PATJ: variants seen among roughly 807,000 people sequenced by gnomAD.
PATJ encodes PATJ crumbs cell polarity complex component.
In PATJ, 190 loss-of-function variants were observed where a neutral mutation model predicts 224.9. The observed-to-expected ratio is 0.84, with a 90% CI of 0.75 to 0.95. PATJ has a LOEUF of 0.95. PATJ is among the 40% of genes least tolerant of loss of function. PATJ has a pLI of 0.00. For missense variants in PATJ, 2,121 were observed against 2,270.3 expected (o/e 0.93, Z 1.34); for synonymous variants, 769 against 820.3 (o/e 0.94, Z 1.07).
intron 31 of PATJ, among the ~76,000 whole-genome samples, chr1:62,052,496 C>A (rs985441276): frequency 6.0e-5 from 9 of 150,600 alleles, no homozygotes; most frequent in Non-Finnish European, 1.3e-4. Context: ...AATCCCAGCA[C>A]TTTGGGAGGC....
At chr1:62,118,052 G>A (rs1034508540) in intron 37 of PATJ, among the ~76,000 whole-genome samples, 1 of 152,128 alleles carries the variant, frequency 6.6e-6, no homozygotes, top group Admixed American at 6.5e-5. Flanking sequence ...AAAGCTATTA[G>A]CTGCCTCCTG....
At chr1:62,093,695 C>A (rs1661050747) in intron 33 of PATJ, among the ~76,000 whole-genome samples, 1 of 152,014 alleles carries the variant, frequency 6.6e-6, no homozygotes, top group Non-Finnish European at 1.5e-5. Flanking sequence ...TGAATATAAG[C>A]AAAAATATTA....
chr1:61,812,872 C>T (rs1655153980), intron 14 of PATJ, among the ~76,000 whole-genome samples: 1 of 151,874 alleles, frequency 6.6e-6, no homozygotes, highest in Non-Finnish European at 1.5e-5. Flanking sequence ...AAGACACAGC[C>T]TCCCGGGTAA....
intron 26 of PATJ, among the ~76,000 whole-genome samples, chr1:61,914,908 T>C (rs776974324): frequency 1.3e-4 from 20 of 152,206 alleles, no homozygotes; most frequent in Non-Finnish European, 2.5e-4. Context: ...TATAGATTTC[T>C]TTCCTGTTCA....
chr1:61,752,311 C>CTTTTTTTTTTT (rs370759266), intron 1 of PATJ, among the ~76,000 whole-genome samples: 3 of 124,016 alleles, frequency 2.4e-5, no homozygotes, highest in African/African-American at 6.2e-5. Flanking sequence ...TCATTTCTTT[C>CTTTTTTTTTTT]TTTTTTTTTT....
At chr1:62,148,512 T>C in intron 42 of PATJ, 122 bp downstream of exon 42, 1 of 691,744 alleles carries the variant, frequency 1.4e-6, no homozygotes, top group Non-Finnish European at 2.6e-6. Context: ...TTTTCTAAAT[T>C]CTAGGGAATC....
chr1:62,135,748 CTG>C (rs1666794830), intron 41 of PATJ, among the ~76,000 whole-genome samples: 1 of 152,116 alleles, frequency 6.6e-6, no homozygotes, highest in South Asian at 2.1e-4. Context: ...AAAGGTTGCT[CTG>C]AGGATTAGAT....
chr1:61,982,741 C>T (rs930637117), intron 27 of PATJ, among the ~76,000 whole-genome samples: 2 of 151,792 alleles, frequency 1.3e-5, no homozygotes, highest in African/African-American at 4.9e-5. Context: ...TATTTAGTTG[C>T]CAAAAGCTAG....
chr1:62,149,399 T>G (rs1668396890), intron 42 of PATJ, among the ~76,000 whole-genome samples: 1 of 152,180 alleles, frequency 6.6e-6, no homozygotes, highest in Non-Finnish European at 1.5e-5. Flanking sequence ...ATGGTTCATT[T>G]GAAGGATCTC....
intron 21 of PATJ, among the ~76,000 whole-genome samples, chr1:61,879,646 TC>T (rs1667814194): frequency 6.6e-6 from 1 of 151,678 alleles, no homozygotes; most frequent in Admixed American, 6.6e-5. Context: ...TACTTCTGGG[TC>T]CCATTCTTTT....
chr1:61,916,172 A>G (rs1673433312), intron 26 of PATJ, among the ~76,000 whole-genome samples: 1 of 152,170 alleles, frequency 6.6e-6, no homozygotes, highest in Non-Finnish European at 1.5e-5. Flanking sequence ...ACATACAATA[A>G]TCTAGTGGAG....
chr1:62,082,419 A>G (rs1314038119), intron 32 of PATJ, among the ~76,000 whole-genome samples: 1 of 152,184 alleles, frequency 6.6e-6, no homozygotes, highest in Non-Finnish European at 1.5e-5. Context: ...CCCTCCTGTT[A>G]AATTCCTGCT....
intron 7 of PATJ, among the ~76,000 whole-genome samples, chr1:61,787,507 A>T (rs1403358868): frequency 6.6e-6 from 1 of 152,132 alleles, no homozygotes; most frequent in Non-Finnish European, 1.5e-5. Context: ...ATGAGCTTAT[A>T]CCCTCAACAA....
chr1:61,841,683 A>G (rs1661120415), intron 17 of PATJ, among the ~76,000 whole-genome samples: 1 of 150,930 alleles, frequency 6.6e-6, no homozygotes, highest in Admixed American at 6.6e-5. Context: ...ATCTGCTACT[A>G]ATGGCAGTAT....
Position 61,788,086 on chromosome 1 carries a change from A to G in PATJ, c.1068+114A>G, listed in dbSNP as rs1648963312. 1.2e-5 allele frequency: 8 copies of G among 680,744 alleles called. No individual in the cohort carries two copies. In the South Asian group the frequency reaches 1.7e-4, roughly 15 times the overall value. The allele number at this position is 680,744 out of a possible 1,614,324, so 42.2% of individuals were successfully genotyped here. On this transcript the variant is annotated intron_variant, in intron 8 of 43. Coordinates refer to ENST00000642238, the MANE Select transcript of PATJ (RefSeq NM_001350145.3). ...CATTGGTGTGAGTTGTGCGCTCACT[A>G]GTGAAACAGGAAAAAAAAAACTTAT... is the stretch of plus-strand genomic sequence containing the variant.
chr1:62,123,111 C>T, intron 39 of PATJ, 53 bp downstream of exon 39: 2 of 1,264,968 alleles, frequency 1.6e-6, no homozygotes, highest in South Asian at 2.6e-5. Context: ...TGGATTTGCA[C>T]TAAATGTACA....
At position 62,119,468 on chromosome 1, in the gene PATJ, T is replaced by C. The variant is rs555262452; in HGVS notation, c.4891-1713T>C. On this transcript the variant is annotated intron_variant, in intron 37 of 43. Transcript: ENST00000642238. ...GAGAATAAGCTCTTGACTTAATTCA[T>C]AGAAAGTGAGTTCATTAAGAGAGAA... Among the ~76,000 whole-genome samples, 24 of 152,312 alleles carry C rather than the reference T, an allele frequency of 1.6e-4. No individual in the cohort carries two copies. In the South Asian group the frequency reaches 5.0e-3, roughly 32 times the overall value.
At chr1:61,894,518 G>GTT (rs986437549) in intron 22 of PATJ, among the ~76,000 whole-genome samples, 5 of 152,084 alleles carry the variant, frequency 3.3e-5, no homozygotes, top group African/African-American at 7.2e-5. Context: ...ATCTGATGAT[G>GTT]TAAAAGTGGC....
At chr1:62,011,484 GATTA>G (rs1350693818) in intron 28 of PATJ, among the ~76,000 whole-genome samples, 1 of 152,190 alleles carries the variant, frequency 6.6e-6, no homozygotes, top group Non-Finnish European at 1.5e-5. Context: ...TGTGTTAACT[GATTA>G]ATTAAGTTTG....
Sources: gnomAD v4.1 joint callset for allele counts (sites outside exome capture counted in the v4.1 genomes callset) on GRCh38, gnomAD v4.1.1 for gene constraint, MANE v1.5 for transcripts, NCBI Gene and HGNC (gene_info 2026-07-23, HGNC 2026-07-21) for gene names.